Variants in BICRAL observed in about 807,000 individuals in gnomAD.
BICRAL encodes the protein BICRA like chromatin remodeling complex associated protein.
Under a neutral mutation model 91.8 loss-of-function variants are expected in BICRAL, and 8 were observed. That is an observed-to-expected ratio of 0.09 (90% CI 0.05 to 0.16). The LOEUF is 0.16. BICRAL is among the 10% of genes least tolerant of loss of function. BICRAL has a pLI of 1.00. For synonymous variants in BICRAL, 445 were observed against 491.1 expected, an observed-to-expected ratio of 0.91 and a Z score of 1.24; for missense variants, 1,038 against 1,310.9, an observed-to-expected ratio of 0.79 and a Z score of 3.21.
intron 6 of BICRAL, among the ~76,000 whole-genome samples, chr6:42,837,708 C>T (rs1053652816): frequency 3.3e-5 from 5 of 150,832 alleles, no homozygotes; most frequent in African/African-American, 7.3e-5. Flanking sequence ...GCTGAGATTG[C>T]GCCACTGCAA....
At chr6:42,855,386 C>A (rs1180669346) in intron 8 of BICRAL, among the ~76,000 whole-genome samples, 2 of 152,006 alleles carry the variant, frequency 1.3e-5, no homozygotes, top group African/African-American at 4.8e-5. Context: ...ACAAAAAATA[C>A]CAAAAAATTA....
At chr6:42,771,577 AAG>A (rs1195173316) in intron 1 of BICRAL, among the ~76,000 whole-genome samples, 1 of 152,104 alleles carries the variant, frequency 6.6e-6, no homozygotes, top group Non-Finnish European at 1.5e-5. Context: ...GTATCTAAGT[AAG>A]AGATTTGTTT....
chr6:42,751,454 A>G (rs1042976632), intron 1 of BICRAL, among the ~76,000 whole-genome samples: 2 of 152,172 alleles, frequency 1.3e-5, no homozygotes, highest in Non-Finnish European at 2.9e-5. Context: ...TTAATGTTAC[A>G]AAGGGAATCT....
rs992299949 is a variant in BICRAL at position 42,828,924 on chromosome 6, C to A, written c.591C>A (p.Pro197=). The A allele has an allele frequency of 2.5e-6, 4 of 1,614,006 alleles. No homozygotes were observed. In the African/African-American group the frequency reaches 4.0e-5, roughly 16 times the overall value. ...TGCAACATGTGGGGATCAGTGTTCC[C>A]AGCCAGCATTTGTCTAATAGCAGTC... ...GFMQHVGISV[P]SQHLSNSSQI... is the part of the protein sequence containing the mutation. The change falls in exon 6 of 13, where the codon CCC becomes CCA. Residue 197 remains proline, a synonymous_variant. Transcript: ENST00000314073.
intron 1 of BICRAL, among the ~76,000 whole-genome samples, chr6:42,768,170 G>T (rs772538925): frequency 2.6e-5 from 4 of 152,132 alleles, no homozygotes; most frequent in Non-Finnish European, 5.9e-5. Flanking sequence ...TGAAATTGAG[G>T]TTACTCAAGA....
At chr6:42,819,888 G>A (rs1764094357) in intron 2 of BICRAL, among the ~76,000 whole-genome samples, 1 of 152,186 alleles carries the variant, frequency 6.6e-6, no homozygotes, top group Non-Finnish European at 1.5e-5. Flanking sequence ...GGCAGTTCCT[G>A]ATGCTGCTGA....
chr6:42,857,549 G>A (rs1460727750), intron 10 of BICRAL, among the ~76,000 whole-genome samples: 1 of 145,642 alleles, frequency 6.9e-6, no homozygotes, highest in Non-Finnish European at 1.5e-5. Flanking sequence ...GATCACGCCT[G>A]TAAATAGCCA....
chr6:42,806,018 G>A (rs1478821258), intron 1 of BICRAL, among the ~76,000 whole-genome samples: 3 of 137,214 alleles, frequency 2.2e-5, no homozygotes, highest in Non-Finnish European at 4.7e-5. Context: ...AAAAAACGAA[G>A]GAAGAAGTAG....
chr6:42,865,718 C>A lies in BICRAL; in HGVS notation c.*272C>A. 2.6e-6 allele frequency: 1 copy of A among 386,112 alleles called. No homozygotes were observed. Among genetic ancestry groups the A allele is most frequent in the South Asian group, 5.3e-5 (1 of 19,036 alleles). The allele number at this position is 386,112 out of a possible 1,614,324, so 23.9% of individuals were successfully genotyped here. On this transcript the variant is annotated 3_prime_UTR_variant, in exon 13 of 13. Transcript: ENST00000314073. ...ACTCATTTCAAGTGTTATGAAAGTG[C>A]TTATAGGCATTTTGTTTATTTGTTT...
At chr6:42,862,903 A>G (rs1429141591) in intron 12 of BICRAL, among the ~76,000 whole-genome samples, 1 of 152,186 alleles carries the variant, frequency 6.6e-6, no homozygotes, top group East Asian at 1.9e-4. Context: ...CACTATACAT[A>G]CATACTCTTC....
chr6:42,807,744 T>C (rs1279374260), intron 1 of BICRAL, among the ~76,000 whole-genome samples: 1 of 147,716 alleles, frequency 6.8e-6, no homozygotes, highest in Non-Finnish European at 1.5e-5. Context: ...AGGCGGAGGT[T>C]GCAGTGAGCC....
chr6:42,750,874 G>A (rs377254476), intron 1 of BICRAL, among the ~76,000 whole-genome samples: 2 of 131,790 alleles, frequency 1.5e-5, no homozygotes, highest in East Asian at 2.1e-4. Context: ...CACCGCGCCC[G>A]GCCTTTTTTT....
At chr6:42,853,202 A>G (rs1036380896) in intron 7 of BICRAL, among the ~76,000 whole-genome samples, 2 of 151,500 alleles carry the variant, frequency 1.3e-5, no homozygotes, top group East Asian at 3.9e-4. Flanking sequence ...CGTTTTTTCT[A>G]AGGCTTTGAA....
chr6:42,825,419 G>T (rs1202723251), intron 5 of BICRAL, among the ~76,000 whole-genome samples: 11 of 151,758 alleles, frequency 7.2e-5, no homozygotes, highest in Non-Finnish European at 1.5e-4. Flanking sequence ...AAAAAAATTA[G>T]CCGGGCGTTG....
intron 1 of BICRAL, among the ~76,000 whole-genome samples, chr6:42,758,039 C>T (rs933227520): frequency 6.6e-6 from 1 of 152,152 alleles, no homozygotes; most frequent in East Asian, 1.9e-4. Context: ...GGATCAGAGC[C>T]AACCACAGCA....
chr6:42,761,634 A>G (rs9381217), intron 1 of BICRAL, among the ~76,000 whole-genome samples: 10,773 of 152,106 alleles, frequency 0.071, 429 homozygotes, highest in South Asian at 0.13. Flanking sequence ...TTGGCTGGGC[A>G]CAGTGGCTCA....
intron 6 of BICRAL, among the ~76,000 whole-genome samples, chr6:42,844,357 A>G (rs1764916394): frequency 6.6e-6 from 1 of 150,986 alleles, no homozygotes; most frequent in African/African-American, 2.4e-5. Context: ...AACATACAAA[A>G]AATTAGCCAG....
At chr6:42,853,840 T>C (rs2114021269) in intron 8 of BICRAL, 102 bp downstream of exon 8, 2 of 804,038 alleles carry the variant, frequency 2.5e-6, no homozygotes, top group Non-Finnish European at 4.2e-6. Flanking sequence ...GTGTGCACAG[T>C]CCACCCAGTC....
chr6:42,824,208 C>A (rs1764222264), intron 5 of BICRAL, among the ~76,000 whole-genome samples: 1 of 151,340 alleles, frequency 6.6e-6, no homozygotes, highest in African/African-American at 2.4e-5. Flanking sequence ...TCCAGCCTGG[C>A]CACATAGGGA....
Sources: gnomAD v4.1 joint callset for allele counts (sites outside exome capture counted in the v4.1 genomes callset) on GRCh38, gnomAD v4.1.1 for gene constraint, MANE v1.5 for transcripts, NCBI Gene and HGNC (gene_info 2026-07-23, HGNC 2026-07-21) for gene names.